Variants in TTLL7 observed in about 807,000 individuals in gnomAD.
TTLL7 encodes tubulin polyglutamylase TTLL7.
TTLL7 carries 53 observed loss-of-function variants against 120.2 expected under a neutral mutation model. The ratio of observed to expected loss-of-function variants is 0.44; its 90% CI spans 0.35 to 0.55. The LOEUF is 0.55. TTLL7 is among the 20% of genes least tolerant of loss of function. TTLL7 has a pLI of 0.00. For missense variants in TTLL7, 803 were observed against 1,054.7 expected (o/e 0.76, Z 3.31); for synonymous variants, 353 against 351.7 (o/e 1.00, Z -0.04).
Position 83,889,764 on chromosome 1 carries a change from G to A in TTLL7, c.2369+557C>T, listed in dbSNP as rs1306585731. ...AATGGAAACAAGCTAGTTTAGCCAT[G>A]TGGGAATGTGACAGAAAAATAATAG... On this transcript the variant is annotated intron_variant, in intron 19 of 20. Transcript: ENST00000260505. Among the ~76,000 whole-genome samples, 9 of 152,128 alleles carry A rather than the reference G, an allele frequency of 5.9e-5. No individual in the cohort carries two copies. In the East Asian group the frequency reaches 1.7e-3, roughly 29 times the overall value.
At chr1:83,978,273 T>C (rs1571369300) in intron 1 of TTLL7, among the ~76,000 whole-genome samples, 1 of 152,148 alleles carries the variant, frequency 6.6e-6, no homozygotes, top group African/African-American at 2.4e-5. Flanking sequence ...CGAGGGAATA[T>C]ATGAACTGAT....
At position 83,999,029 on chromosome 1, in the gene TTLL7, G is replaced by A. The variant is rs1384981849; in HGVS notation, c.-275C>T. On this transcript the variant is annotated 5_prime_UTR_variant, in exon 1 of 21. Coordinates refer to ENST00000260505, the MANE Select transcript of TTLL7 (RefSeq NM_024686.6). ...CAGCTTCCCCGTGGGCGGCCGCCCCGACTCGGCAGCCTGCACTGGTGGTCC... is the reference window on the plus strand; with the variant it reads ...CAGCTTCCCCGTGGGCGGCCGCCCCAACTCGGCAGCCTGCACTGGTGGTCC... 4 of 446,348 alleles carry A rather than the reference G, an allele frequency of 9.0e-6. No individual in the cohort carries two copies. The highest frequency in any genetic ancestry group is 2.0e-5 in the African/African-American group (1 of 48,814). 27.6% of individuals were successfully genotyped at this position (446,348 alleles called of 1,614,324 possible). A position where few individuals can be genotyped will look rare whatever the true frequency, so the allele number is the denominator to read the frequency against.
intron 18 of TTLL7, among the ~76,000 whole-genome samples, chr1:83,895,277 G>C (rs918491790): frequency 6.6e-6 from 1 of 151,992 alleles, no homozygotes; most frequent in Non-Finnish European, 1.5e-5. Context: ...CATTTAGTAG[G>C]TTCCTGTCTT....
intron 18 of TTLL7, among the ~76,000 whole-genome samples, chr1:83,903,642 T>G (rs768920015): frequency 6.6e-6 from 1 of 152,080 alleles, no homozygotes; most frequent in Non-Finnish European, 1.5e-5. Flanking sequence ...AATGTAAATT[T>G]TATGTAAATA....
intron 7 of TTLL7, among the ~76,000 whole-genome samples, chr1:83,940,187 A>G (rs530832878): frequency 3.3e-5 from 5 of 152,170 alleles, no homozygotes; most frequent in Admixed American, 2.6e-4. Flanking sequence ...GATTAATCCC[A>G]CTGGACTTAA....
intron 1 of TTLL7, among the ~76,000 whole-genome samples, chr1:83,956,288 A>G (rs1198736695): frequency 6.7e-6 from 1 of 150,274 alleles, no homozygotes; most frequent in Non-Finnish European, 1.5e-5. Flanking sequence ...TTATTTATGT[A>G]TTTATTTATT....
Position 83,937,997 on chromosome 1 carries a change from A to T in TTLL7, c.743T>A (p.Leu248Gln). The T allele has an allele frequency of 4.3e-6, 7 of 1,614,034 alleles. No homozygotes were observed. The highest frequency in any genetic ancestry group is 5.9e-6 in the Non-Finnish European group (7 of 1,179,926). ...ESNLTQLYMH[L>Q]TNYSVNKHNE... ...ATGCTTGTTCACGGAGTAGTTTGTC[A>T]GATGCATGTATAACTGGGTCTGTAA... is the stretch of plus-strand genomic sequence containing the variant. The change falls in exon 8 of 21, where the codon CTG (leucine) becomes CAG (glutamine). Residue 248 changes from leucine (L) to glutamine (Q), a missense_variant. Leu to Gln is a moderately radical substitution (Grantham distance 113). This residue lies in a region of TTLL7 where 324 missense variants were observed against 507.7 expected (regional missense o/e 0.64). Transcript: ENST00000260505.
chr1:83,941,311 T>A (rs758891665), intron 7 of TTLL7, among the ~76,000 whole-genome samples: 2 of 152,234 alleles, frequency 1.3e-5, no homozygotes, highest in African/African-American at 2.4e-5. Flanking sequence ...TTCTGTGAAG[T>A]CAAGCACTGT....
intron 1 of TTLL7, among the ~76,000 whole-genome samples, chr1:83,993,862 CA>C (rs1484776894): frequency 6.6e-6 from 1 of 152,178 alleles, no homozygotes; most frequent in Non-Finnish European, 1.5e-5. Flanking sequence ...AGTGTGTTAA[CA>C]GATAAATGTC....
intron 19 of TTLL7, among the ~76,000 whole-genome samples, chr1:83,888,449 T>C (rs937264266): frequency 1.3e-5 from 2 of 151,950 alleles, no homozygotes; most frequent in African/African-American, 4.8e-5. Context: ...GTAAAAAGAC[T>C]GAGTCTCCAA....
chr1:83,900,815 A>G (rs945273183), intron 18 of TTLL7, among the ~76,000 whole-genome samples: 2 of 152,000 alleles, frequency 1.3e-5, no homozygotes, highest in Admixed American at 6.6e-5. Flanking sequence ...ACTTGTACCA[A>G]TGTACTATCT....
At chr1:83,956,265 T>C (rs533712648) in intron 1 of TTLL7, among the ~76,000 whole-genome samples, 75 of 150,908 alleles carry the variant, frequency 5.0e-4, no homozygotes, top group African/African-American at 1.7e-3. Context: ...CTTTTATTAT[T>C]ATTTTTATTT....
rs1333682071 is a variant in TTLL7 at position 83,929,162 on chromosome 1, T to C, written c.1116A>G (p.Leu372=). ...TTATGTTTAGTAGCTTCAACGCATTTAGCAGCACTCCCCTTTTTACATCAT... is the reference window on the plus strand; with the variant it reads ...TTATGTTTAGTAGCTTCAACGCATTCAGCAGCACTCCCCTTTTTACATCAT... ...IDYDVKRGVL[L]NALKLLNIRT... is the part of the protein sequence containing the mutation. Residue 372 remains leucine (L), a synonymous_variant, in exon 10 of 21, where the codon CTA becomes CTG. Transcript: ENST00000260505. 1 of 1,612,514 alleles carries C rather than the reference T, an allele frequency of 6.2e-7. No homozygotes were observed. The highest frequency in any genetic ancestry group is 2.2e-5 in the East Asian group (1 of 44,824).
At chr1:83,878,125 C>A (rs1654100751) in intron 20 of TTLL7, among the ~76,000 whole-genome samples, 1 of 151,038 alleles carries the variant, frequency 6.6e-6, no homozygotes, top group East Asian at 1.9e-4. Context: ...CTATTGTTTT[C>A]CAGCTTAAAG....
intron 19 of TTLL7, among the ~76,000 whole-genome samples, chr1:83,883,636 G>A (rs1173219851): frequency 1.3e-5 from 2 of 151,946 alleles, no homozygotes; most frequent in Non-Finnish European, 2.9e-5. Flanking sequence ...AAAAAATGGA[G>A]TTACTCTATA....
chr1:83,958,229 A>G (rs1261660270), intron 1 of TTLL7, among the ~76,000 whole-genome samples: 2 of 152,214 alleles, frequency 1.3e-5, no homozygotes, highest in Admixed American at 1.3e-4. Flanking sequence ...TAAAGAAAAG[A>G]GATATAATGA....
chr1:83,974,145 G>C (rs1651245278), intron 1 of TTLL7, among the ~76,000 whole-genome samples: 1 of 151,844 alleles, frequency 6.6e-6, no homozygotes, highest in Non-Finnish European at 1.5e-5. Flanking sequence ...AAATAAACAG[G>C]CATTTCACCT....
chr1:83,910,959 T>G (rs963464513), intron 15 of TTLL7, among the ~76,000 whole-genome samples: 2 of 152,090 alleles, frequency 1.3e-5, no homozygotes, highest in Admixed American at 6.6e-5. Context: ...AGATCCTTAA[T>G]CCAGCCCTTT....
At position 83,876,104 on chromosome 1, in the gene TTLL7, G is replaced by A. The variant is rs1171722019; in HGVS notation, c.2544-6022C>T. On this transcript the variant is annotated intron_variant, in intron 20 of 20. Coordinates refer to ENST00000260505, the MANE Select transcript of TTLL7 (RefSeq NM_024686.6). ...GGAAATGGTTTTCATTTATGGTGTA[G>A]GTAAAGTTAAGTTTCTTTTTTATTA... 3.3e-5 allele frequency among the ~76,000 whole-genome samples: 5 copies of A among 151,764 alleles called. No homozygotes were observed. The East Asian group carries it at 9.7e-4, about 29-fold the overall frequency.
Sources: gnomAD v4.1 joint callset for allele counts (sites outside exome capture counted in the v4.1 genomes callset) on GRCh38, gnomAD v4.1.1 for gene constraint, gnomAD v4.1.1 regional missense constraint, MANE v1.5 for transcripts, NCBI Gene and HGNC (gene_info 2026-07-23, HGNC 2026-07-21) for gene names.